The following SMYD4 variants were observed in gnomAD, a reference collection of about 807,000 sequenced individuals.
The protein encoded by SMYD4 is protein-lysine N-methyltransferase SMYD4.
A neutral mutation model predicts 72.8 loss-of-function variants in SMYD4; 68 were observed. That is an observed-to-expected ratio of 0.93 (90% confidence interval 0.77 to 1.14). The LOEUF (loss-of-function observed/expected upper bound fraction) is 1.14. SMYD4 is among the 50% of genes most tolerant of loss of function. The probability of loss-of-function intolerance (pLI) is 0.00; values close to 1 mark genes in which losing one functional copy is unlikely to be tolerated. For synonymous variants in SMYD4, 407 were observed against 388.6 expected, an observed-to-expected ratio of 1.05 and a Z score of -0.56; for missense variants, 984 against 1,003.7, an observed-to-expected ratio of 0.98 and a Z score of 0.27.
intron 2 of SMYD4, among the ~76,000 whole-genome samples, chr17:1,812,504 G>T (rs1438921311): frequency 4.0e-5 from 6 of 150,392 alleles, no homozygotes; most frequent in Non-Finnish European, 8.8e-5. Context: ...TGTTGCCCAG[G>T]CTGGTCTTGA....
intron 5 of SMYD4, among the ~76,000 whole-genome samples, chr17:1,789,185 C>T (rs116176832): frequency 0.011 from 1,599 of 151,684 alleles, 25 homozygotes; most frequent in African/African-American, 0.035. Flanking sequence ...GTCAGAAGTT[C>T]GAGAGTAGCC....
chr17:1,783,222 A>G, intron 9 of SMYD4, 64 bp from the exon 10 acceptor site: 10 of 1,612,876 alleles, frequency 6.2e-6, no homozygotes, highest in Non-Finnish European at 8.5e-6. Flanking sequence ...GCATATTTTC[A>G]GGGGGAGGAA....
Position 1,787,628 on chromosome 17 carries a change from G to A in SMYD4, c.1538-24C>T, listed in dbSNP as rs1567766772. On this transcript the variant is annotated intron_variant, in intron 5 of 10. Transcript: ENST00000305513. Reference sequence around the variant, plus strand: ...TCCTGAAAGGGCAAGAGGAAAGAAGGAAAAAGGTGTCAGCACATGAGCCCT... The same window carrying A: ...TCCTGAAAGGGCAAGAGGAAAGAAGAAAAAAGGTGTCAGCACATGAGCCCT... The A allele has an allele frequency of 5.2e-6, 8 of 1,547,796 alleles. No individual in the cohort carries two copies. The Admixed American group carries it at 8.0e-5, about 16-fold the overall frequency.
chr17:1,802,039 G>A (rs531241851), intron 4 of SMYD4, among the ~76,000 whole-genome samples: 4 of 152,172 alleles, frequency 2.6e-5, no homozygotes, highest in African/African-American at 9.6e-5. Context: ...ATGACCTTGT[G>A]CAATCGACTT....
chr17:1,783,612 G>C, intron 8 of SMYD4, 136 bp from the exon 9 acceptor site: 1 of 1,406,390 alleles, frequency 7.1e-7, no homozygotes, highest in African/African-American at 1.4e-5. Flanking sequence ...TGTCACCAAC[G>C]CACAATGTCT....
At chr17:1,828,082 G>A in intron 1 of SMYD4, 76 bp from the exon 2 acceptor site, 1 of 1,459,828 alleles carries the variant, frequency 6.9e-7, no homozygotes, top group Non-Finnish European at 9.4e-7. Flanking sequence ...CAGGTACGGT[G>A]GCTCACACCT....
chr17:1,793,599 C>T (rs1909176415), intron 5 of SMYD4, among the ~76,000 whole-genome samples: 1 of 152,046 alleles, frequency 6.6e-6, no homozygotes, highest in African/African-American at 2.4e-5. Flanking sequence ...AAGCAAGTTA[C>T]AGAGCTAGCC....
rs1362528032 is a variant in SMYD4 at position 1,804,442 on chromosome 17, G to C, written c.369+184C>G. The C allele has an allele frequency of 6.0e-6, 3 of 501,136 alleles. No homozygotes were observed. The Admixed American group carries it at 9.2e-5, about 15-fold the overall frequency. 31.0% of individuals were successfully genotyped at this position (501,136 alleles called of 1,614,324 possible). On this transcript the variant is annotated intron_variant, in intron 4 of 10. Coordinates refer to ENST00000305513, the MANE Select transcript of SMYD4 (RefSeq NM_052928.3). Reference sequence around the variant, plus strand: ...TCCGCCCGCCTTGACCTCCCAAAGTGCTGAGATTACAGGCAATGAGCGCCC... The same window carrying C: ...TCCGCCCGCCTTGACCTCCCAAAGTCCTGAGATTACAGGCAATGAGCGCCC...
chr17:1,825,225 G>T (rs1180629314), intron 2 of SMYD4, among the ~76,000 whole-genome samples: 5 of 152,164 alleles, frequency 3.3e-5, no homozygotes, highest in Non-Finnish European at 2.9e-5. Context: ...CAGAAAAATT[G>T]TCCACCTGGA....
intron 2 of SMYD4, among the ~76,000 whole-genome samples, chr17:1,820,267 T>C (rs772645123): frequency 2.0e-5 from 3 of 152,132 alleles, no homozygotes; most frequent in Non-Finnish European, 4.4e-5. Flanking sequence ...TGATCCAGGG[T>C]CTTGCTCTGT....
chr17:1,824,695 C>T (rs890716541), intron 2 of SMYD4, among the ~76,000 whole-genome samples: 2 of 152,180 alleles, frequency 1.3e-5, no homozygotes, highest in African/African-American at 4.8e-5. Context: ...TCTCAGCGCA[C>T]TGCACCCTCC....
chr17:1,829,423 G>A (rs1330284953), intron 1 of SMYD4: 3 of 152,346 alleles, frequency 2.0e-5, no homozygotes, highest in African/African-American at 7.2e-5. Context: ...CCTCCGGGAC[G>A]GCGTCCCTGA....
At chr17:1,804,084 C>T (rs1909911535) in intron 4 of SMYD4, among the ~76,000 whole-genome samples, 1 of 151,480 alleles carries the variant, frequency 6.6e-6, no homozygotes, top group South Asian at 2.1e-4. Flanking sequence ...ACCATTTTGG[C>T]CAGGATGGTC....
intron 2 of SMYD4, among the ~76,000 whole-genome samples, chr17:1,812,401 C>T (rs1459642906): frequency 1.3e-5 from 2 of 152,032 alleles, no homozygotes; most frequent in Non-Finnish European, 2.9e-5. Flanking sequence ...ATTCTCCCAC[C>T]TCAGCCTCCT....
In SMYD4 at chr17:1,800,804, T is replaced by C; in HGVS notation, c.590A>G (p.Lys197Arg). 1 of 1,614,230 alleles carries C rather than the reference T, an allele frequency of 6.2e-7. No individual in the cohort carries two copies. The highest frequency in any genetic ancestry group is 1.3e-5 in the African/African-American group (1 of 75,062). The change falls in exon 5 of 11, where the codon AAG (lysine) becomes AGG (arginine). Residue 197 changes from lysine (K) to arginine (R), a missense_variant. By Grantham distance (26) the Lys-to-Arg change is conservative. Coordinates refer to ENST00000305513, the MANE Select transcript of SMYD4 (RefSeq NM_052928.3). ...LQRNLHRLKM[K>R]MQEKDSLTES... ...TGTGAGACTGTCCTTTTCTTGCATC[T>C]TCATTTTCAGACGATGGAGGTTTCT...
intron 2 of SMYD4, among the ~76,000 whole-genome samples, chr17:1,815,237 T>C (rs1910527731): frequency 6.6e-6 from 1 of 152,088 alleles, no homozygotes; most frequent in Non-Finnish European, 1.5e-5. Context: ...CTAATTTTTG[T>C]ATTTTTAGTA....
chr17:1,820,324 C>T (rs1387447409), intron 2 of SMYD4, among the ~76,000 whole-genome samples: 1 of 151,888 alleles, frequency 6.6e-6, no homozygotes, highest in Non-Finnish European at 1.5e-5. Flanking sequence ...ACGACAGCCT[C>T]GACATCCTGG....
intron 5 of SMYD4, among the ~76,000 whole-genome samples, chr17:1,793,866 G>A (rs567175627): frequency 1.1e-4 from 16 of 150,510 alleles, no homozygotes; most frequent in African/African-American, 3.9e-4. Flanking sequence ...CGTTGCCCAG[G>A]CTGGGGTGCA....
intron 2 of SMYD4, among the ~76,000 whole-genome samples, chr17:1,818,711 G>C (rs1910755216): frequency 6.6e-6 from 1 of 151,890 alleles, no homozygotes; most frequent in South Asian, 2.1e-4. Flanking sequence ...TCAGGCTGGA[G>C]TGCAGTGGTA....
Sources: allele counts gnomAD v4.1 joint callset (sites outside exome capture counted in the v4.1 genomes callset), GRCh38; gene constraint gnomAD v4.1.1; transcripts MANE v1.5; gene names NCBI Gene and HGNC (gene_info 2026-07-23, HGNC 2026-07-21).